The following ZNF141 variants were observed in gnomAD, a reference collection of about 807,000 sequenced individuals.
ZNF141 encodes the protein zinc finger protein 141 (clone pHZ-44).
A neutral mutation model predicts 11.3 loss-of-function variants in ZNF141; 7 were observed. That is an observed-to-expected ratio of 0.62 (90% CI 0.35 to 1.16). ZNF141 has a LOEUF of 1.16. ZNF141 is among the 50% of genes most tolerant of loss of function. The pLI is 0.02. For synonymous variants in ZNF141, 183 were observed against 190.7 expected (o/e 0.96, Z 0.33); for missense variants, 535 against 554.0 (o/e 0.97, Z 0.34).
chr4:361,413 G>A (rs1210037131), intron 3 of ZNF141, among the ~76,000 whole-genome samples: 2 of 148,754 alleles, frequency 1.3e-5, no homozygotes, highest in African/African-American at 5.0e-5. Context: ...AAGTTCTAGG[G>A]TACATGTGCA....
rs1712817113 is a variant in ZNF141 at position 384,397 on chromosome 4, A to C, written c.*10535A>C. 6.6e-6 allele frequency: 1 copy of C among 152,174 alleles called. No homozygotes were observed. The highest frequency in any genetic ancestry group is 1.5e-5 in the Non-Finnish European group (1 of 68,034). 9.4% of individuals were successfully genotyped at this position (152,174 alleles called of 1,614,324 possible). A position where few individuals can be genotyped will look rare whatever the true frequency, so the allele number is the denominator to read the frequency against. ...AGGGAGGGAAGGTCTTGGGAGATGA[A>C]AAACACCCACGGGACCACACCTGCA... On this transcript the variant is annotated 3_prime_UTR_variant, in exon 4 of 4. Transcript: ENST00000240499.
At chr4:358,337 C>T in intron 3 of ZNF141, 1 of 343,312 alleles carries the variant, frequency 2.9e-6, no homozygotes, top group South Asian at 2.2e-5. Context: ...AGTCATGAGC[C>T]ACCACACCTG....
chr4:361,969 G>A (rs1553852242), intron 3 of ZNF141, among the ~76,000 whole-genome samples: 1 of 152,166 alleles, frequency 6.6e-6, no homozygotes, highest in African/African-American at 2.4e-5. Context: ...TTCCACAATG[G>A]TTGAACTAGT....
intron 3 of ZNF141, among the ~76,000 whole-genome samples, chr4:352,262 C>T (rs1721639988): frequency 1.3e-5 from 2 of 152,168 alleles, no homozygotes; most frequent in African/African-American, 4.8e-5. Context: ...TGGTGGGCAC[C>T]TGTAGTCCCA....
rs1712301870 is a variant in ZNF141 at position 375,132 on chromosome 4, CCT to C, written c.*1272_*1273del. 6.6e-6 allele frequency: 1 copy of C among 152,028 alleles called. No homozygotes were observed. The allele number at this position is 152,028 out of a possible 1,614,324, so 9.4% of individuals were successfully genotyped here. A position where few individuals can be genotyped will look rare whatever the true frequency, so the allele number is the denominator to read the frequency against. On this transcript the variant is annotated 3_prime_UTR_variant, in exon 4 of 4. Transcript: ENST00000240499. ...TAAAAAATATAGAAAAGTCATATCTCCTCACATTTTACTAACTAGCAATGTTC... is the reference window on the plus strand; with the variant it reads ...TAAAAAATATAGAAAAGTCATATCTCCACATTTTACTAACTAGCAATGTTC...
In ZNF141 at chr4:339,857, A is replaced by C. The variant is rs193226416; in HGVS notation, c.3+1871A>C. 7.6e-3 allele frequency among the ~76,000 whole-genome samples: 1,158 copies of C among 152,224 alleles called. 10 individuals carry two copies. Among genetic ancestry groups the C allele is most frequent in the Non-Finnish European group, 0.011 (720 of 68,028 alleles). ...GTACCTGCCTTCACATATCAAATCT[A>C]CCTCCTGTCCTGAAGCTGTGGGAAG... On this transcript the variant is annotated intron_variant, in intron 1 of 3. Coordinates refer to ENST00000240499, the MANE Select transcript of ZNF141 (RefSeq NM_003441.4).
intron 1 of ZNF141, among the ~76,000 whole-genome samples, chr4:342,182 A>C (rs1402405664): frequency 6.6e-6 from 1 of 152,214 alleles, no homozygotes; most frequent in Non-Finnish European, 1.5e-5. Context: ...TATGAGAATT[A>C]ACACACATAA....
At chr4:369,196 T>G (rs1225394766) in intron 3 of ZNF141, among the ~76,000 whole-genome samples, 1 of 152,122 alleles carries the variant, frequency 6.6e-6, no homozygotes, top group African/African-American at 2.4e-5. Flanking sequence ...CACATTAATA[T>G]ATGTATACCC....
In ZNF141 at chr4:374,394, G is replaced by A; in HGVS notation, c.*532G>A. 2.8e-6 allele frequency: 1 copy of A among 357,454 alleles called. No homozygotes were observed. The highest frequency in any genetic ancestry group is 3.3e-5 in the Admixed American group (1 of 30,104). 22.1% of individuals were successfully genotyped at this position (357,454 alleles called of 1,614,324 possible). On this transcript the variant is annotated 3_prime_UTR_variant, in exon 4 of 4. Coordinates refer to ENST00000240499, the MANE Select transcript of ZNF141 (RefSeq NM_003441.4). The stretch of plus-strand genomic sequence containing the variant: ...CTTCACATGCGAAGAATGTGGCACA[G>A]TCTTTACCACATCCTCAAACTTTGT...
intron 3 of ZNF141, among the ~76,000 whole-genome samples, chr4:366,722 T>C (rs1553852965): frequency 6.6e-6 from 1 of 152,260 alleles, no homozygotes; most frequent in Non-Finnish European, 1.5e-5. Context: ...TCGCTCAGAC[T>C]GGAGCGCACT....
rs1581639649 is a variant in ZNF141, at chr4:383,334, T to A, written c.*9472T>A. Reference sequence around the variant, plus strand: ...GAGCTAGTATGTTTCGGGATTGTTATGCAGTTATAAGTTAGTAATATATAC... The same window carrying A: ...GAGCTAGTATGTTTCGGGATTGTTAAGCAGTTATAAGTTAGTAATATATAC... On this transcript the variant is annotated 3_prime_UTR_variant, in exon 4 of 4. Coordinates refer to ENST00000240499, the MANE Select transcript of ZNF141 (RefSeq NM_003441.4). 1.7e-6 allele frequency: 1 copy of A among 580,222 alleles called. No homozygotes were observed. The highest frequency in any genetic ancestry group is 3.0e-6 in the Non-Finnish European group (1 of 329,202). The allele number at this position is 580,222 out of a possible 1,614,324, so 35.9% of individuals were successfully genotyped here.
chr4:363,868 A>T (rs61792156), intron 3 of ZNF141, among the ~76,000 whole-genome samples: 28,374 of 151,948 alleles, frequency 0.19, 3,027 homozygotes, highest in Non-Finnish European at 0.23. Flanking sequence ...ACGTTCCATC[A>T]ATACCTAGTT....
chr4:373,943 G>A lies in ZNF141; in HGVS notation c.*81G>A, dbSNP rs782706632. 2 of 1,249,836 alleles carry A rather than the reference G, an allele frequency of 1.6e-6. No homozygotes were observed. The highest frequency in any genetic ancestry group is 1.5e-5 in the South Asian group (1 of 68,356). 77.4% of individuals were successfully genotyped at this position (1,249,836 alleles called of 1,614,324 possible). ...TAATGAACATGAGAAAATTTATACT[G>A]TAGAGAAACCCTGGAAATGTGAAGA... On this transcript the variant is annotated 3_prime_UTR_variant, in exon 4 of 4. Coordinates refer to ENST00000240499, the MANE Select transcript of ZNF141 (RefSeq NM_003441.4).
chr4:378,692 A>G lies in ZNF141; in HGVS notation c.*4830A>G, dbSNP rs1553855025. 6.6e-6 allele frequency among the ~76,000 whole-genome samples: 1 copy of G among 152,162 alleles called. No homozygotes were observed. Among genetic ancestry groups the G allele is most frequent in the Non-Finnish European group, 1.5e-5 (1 of 68,040 alleles). On this transcript the variant is annotated 3_prime_UTR_variant, in exon 4 of 4. Transcript: ENST00000240499. ...ATATTACAATCTTGAGGAATTTCTC[A>G]TAATTCTTTGTTTTAGTGGATGCAT...
At position 339,390 on chromosome 4, in the gene ZNF141, C is replaced by G. The variant is rs984446714; in HGVS notation, c.3+1404C>G. 3.3e-5 allele frequency among the ~76,000 whole-genome samples: 5 copies of G among 152,358 alleles called. 1 individual carries two copies. The highest frequency in any genetic ancestry group is 9.6e-5 in the African/African-American group (4 of 41,574). ...TCCTTTCGTCAATCCTGCCTTGCCCCCACTCAAGGCTCTTGATAGCACCTT... is the reference window on the plus strand; with the variant it reads ...TCCTTTCGTCAATCCTGCCTTGCCCGCACTCAAGGCTCTTGATAGCACCTT... On this transcript the variant is annotated intron_variant, in intron 1 of 3. Coordinates refer to ENST00000240499, the MANE Select transcript of ZNF141 (RefSeq NM_003441.4).
intron 1 of ZNF141, among the ~76,000 whole-genome samples, chr4:339,393 C>T (rs1229755549): frequency 1.7e-4 from 26 of 152,246 alleles, no homozygotes; most frequent in Admixed American, 1.6e-3. Flanking sequence ...CTTGCCCCCA[C>T]TCAAGGCTCT....
At chr4:362,349 G>A (rs1553852327) in intron 3 of ZNF141, among the ~76,000 whole-genome samples, 1 of 152,152 alleles carries the variant, frequency 6.6e-6, no homozygotes, top group African/African-American at 2.4e-5. Context: ...TCTGATGGTA[G>A]TTTCTTTTGC....
chr4:364,716 G>C (rs1051918650), intron 3 of ZNF141, among the ~76,000 whole-genome samples: 1 of 152,168 alleles, frequency 6.6e-6, no homozygotes. Flanking sequence ...GTCCCAGAGG[G>C]TCACCTGCCT....
At position 374,013 on chromosome 4, in the gene ZNF141, A is replaced by C. The variant is rs1659900220; in HGVS notation, c.*151A>C. 5.5e-6 allele frequency: 4 copies of C among 727,032 alleles called. No homozygotes were observed. The highest frequency in any genetic ancestry group is 2.3e-6 in the Non-Finnish European group (1 of 427,306). 45.0% of individuals were successfully genotyped at this position (727,032 alleles called of 1,614,324 possible). On this transcript the variant is annotated 3_prime_UTR_variant, in exon 4 of 4. Transcript: ENST00000240499. ...CTCATTCTCAAACCTTGATAAACAT[A>C]AGAGAATTCATACCGGAGAGAAACT... is the stretch of plus-strand genomic sequence containing the variant.
Sources: allele counts gnomAD v4.1 joint callset (sites outside exome capture counted in the v4.1 genomes callset), GRCh38; gene constraint gnomAD v4.1.1; transcripts MANE v1.5; gene names NCBI Gene and HGNC (gene_info 2026-07-23, HGNC 2026-07-21).